TULP4: variants seen among roughly 807,000 people sequenced by gnomAD.
The protein encoded by TULP4 is TUB like protein 4, also known as tubby-related protein 4.
A neutral mutation model predicts 129.0 loss-of-function variants in TULP4; 16 were observed. The observed-to-expected ratio is 0.12, with a 90% CI of 0.08 to 0.19. TULP4 has a LOEUF of 0.19. Among genes scored for constraint, TULP4 ranks in the 10% least tolerant of loss-of-function variants. TULP4 has a pLI of 1.00. For synonymous variants in TULP4, 998 were observed against 854.0 expected (o/e 1.17, Z -2.94); for missense variants, 1,842 against 2,059.1 (o/e 0.89, Z 2.04).
At position 158,444,026 on chromosome 6, in the gene TULP4, T is replaced by G. The variant is rs980372225; in HGVS notation, c.544-4970T>G. ...CAAGGTCAGGAGATTGAGACCATCC[T>G]GGCTAACACGGTGAAACCCCGTCTC... is the stretch of plus-strand genomic sequence containing the variant. On this transcript the variant is annotated intron_variant, in intron 3 of 13. Coordinates refer to ENST00000367097, the MANE Select transcript of TULP4 (RefSeq NM_020245.5). 2.6e-5 allele frequency among the ~76,000 whole-genome samples: 4 copies of G among 151,836 alleles called. No homozygotes were observed. The East Asian group carries it at 5.8e-4, about 22-fold the overall frequency.
At chr6:158,272,131 A>G (rs1778563322) in intron 1 of TULP4, among the ~76,000 whole-genome samples, 1 of 152,186 alleles carries the variant, frequency 6.6e-6, no homozygotes. Flanking sequence ...GGGAGGTGAC[A>G]GGTAGAGGAG....
chr6:158,453,908 G>A (rs956981680), intron 5 of TULP4, among the ~76,000 whole-genome samples: 19 of 150,130 alleles, frequency 1.3e-4, no homozygotes, highest in African/African-American at 1.7e-4. Flanking sequence ...AGCCAAGACC[G>A]CACCACTGCA....
At position 158,482,732 on chromosome 6, in the gene TULP4, G is replaced by C. The variant is rs370204744; in HGVS notation, c.1486+1443G>C. On this transcript the variant is annotated intron_variant, in intron 8 of 13. Transcript: ENST00000367097. Reference sequence around the variant, plus strand: ...TCAGTACCTCTAAGGTTACTCCCCTGGGTACAATTTTATAAAATCTGTATT... The same window carrying C: ...TCAGTACCTCTAAGGTTACTCCCCTCGGTACAATTTTATAAAATCTGTATT... Among the ~76,000 whole-genome samples the C allele has an allele frequency of 3.3e-5, 5 of 152,334 alleles. No homozygotes were observed. In the East Asian group the frequency reaches 9.6e-4, roughly 29 times the overall value.
rs554240556 is a variant in TULP4 at position 158,485,027 on chromosome 6, G to A, written c.1486+3738G>A. Among the ~76,000 whole-genome samples, 20 of 152,302 alleles carry A rather than the reference G, an allele frequency of 1.3e-4. No homozygotes were observed. The South Asian group carries it at 3.7e-3, about 28-fold the overall frequency. On this transcript the variant is annotated intron_variant, in intron 8 of 13. Coordinates refer to ENST00000367097, the MANE Select transcript of TULP4 (RefSeq NM_020245.5). ...GTTTTGAGGTGGATGCTAGAAATAC[G>A]GATGTTAAGGGCAATTCTGGTGAGG...
chr6:158,277,559 G>C (rs530754997), upstream of TULP4, among the ~76,000 whole-genome samples: 1 of 152,190 alleles, frequency 6.6e-6, no homozygotes, highest in Non-Finnish European at 1.5e-5. Context: ...GCCACCAGGA[G>C]CAAGGATTAG....
At chr6:158,266,642 GAA>G in intron 1 of TULP4, among the ~76,000 whole-genome samples, 1 of 151,608 alleles carries the variant, frequency 6.6e-6, no homozygotes, top group Middle Eastern at 3.4e-3. Flanking sequence ...AACGTTCAAA[GAA>G]AAAAAATACA....
chr6:158,291,106 T>C (rs1778931175), intron 1 of TULP4, among the ~76,000 whole-genome samples: 1 of 152,260 alleles, frequency 6.6e-6, no homozygotes, highest in Non-Finnish European at 1.5e-5. Context: ...TGCTTTATTG[T>C]TCTGTTTTGA....
chr6:158,503,741 A>G lies in TULP4; in HGVS notation c.4078A>G (p.Lys1360Glu), dbSNP rs1780530249. Residue 1360 changes from lysine to glutamate, a missense_variant, in exon 13 of 14, where the codon AAG becomes GAG. By Grantham distance (56) the Lys-to-Glu change is moderately conservative (BLOSUM62 1). Coordinates refer to ENST00000367097, the MANE Select transcript of TULP4 (RefSeq NM_020245.5). This position sits in a 1 kb window ranked among gnomAD's most constrained non-coding sequence, Gnocchi z 4.3. The part of the protein sequence containing the change: ...VQAITEGKVK[K>E]EARTLSDFNS... ...GGCCATCACTGAGGGCAAAGTGAAG[A>G]AGGAGGCTAGGACTTTGAGTGACTT... 1.2e-6 allele frequency: 2 copies of G among 1,614,020 alleles called. No individual in the cohort carries two copies. Among genetic ancestry groups the G allele is most frequent in the African/African-American group, 1.3e-5 (1 of 74,934 alleles).
At chr6:158,361,775 GCTGT>G (rs1161439969) in intron 1 of TULP4, among the ~76,000 whole-genome samples, 1 of 152,140 alleles carries the variant, frequency 6.6e-6, no homozygotes, top group Non-Finnish European at 1.5e-5. Flanking sequence ...TGAGGAGCTG[GCTGT>G]CTATTTTTAC....
At chr6:158,412,340 G>A (rs770275424) in intron 1 of TULP4, among the ~76,000 whole-genome samples, 3 of 152,128 alleles carry the variant, frequency 2.0e-5, no homozygotes, top group African/African-American at 4.8e-5. Context: ...TCAGTCCCTC[G>A]CTACTTTTAC....
At chr6:158,422,101 A>G (rs1045008330) in intron 2 of TULP4, among the ~76,000 whole-genome samples, 13 of 152,212 alleles carry the variant, frequency 8.5e-5, no homozygotes, top group Admixed American at 2.0e-4. Context: ...AATCCAATGA[A>G]AGAAAAAGTA....
intron 1 of TULP4, among the ~76,000 whole-genome samples, chr6:158,355,954 ACCAGTGATTG>A (rs1780639270): frequency 6.6e-6 from 1 of 152,188 alleles, no homozygotes; most frequent in Non-Finnish European, 1.5e-5. Context: ...CAGAAGACTG[ACCAGTGATTG>A]CCTGGGGCCA....
intron 3 of TULP4, among the ~76,000 whole-genome samples, chr6:158,442,098 C>T (rs1466394178): frequency 1.3e-5 from 2 of 152,110 alleles, no homozygotes; most frequent in Non-Finnish European, 2.9e-5. Context: ...TAAATTTTGT[C>T]CTTCCTGTAT....
At chr6:158,341,589 C>G (rs1780182539) in intron 1 of TULP4, among the ~76,000 whole-genome samples, 2 of 152,058 alleles carry the variant, frequency 1.3e-5, no homozygotes, top group Non-Finnish European at 2.9e-5. Context: ...TGCCTTTCTT[C>G]TTGGAAAAAG....
intron 5 of TULP4, among the ~76,000 whole-genome samples, chr6:158,452,739 G>A (rs1279520171): frequency 2.0e-5 from 3 of 152,212 alleles, no homozygotes; most frequent in Non-Finnish European, 4.4e-5. Context: ...ACTTGTGGAG[G>A]TTCTGCAATT....
At chr6:158,295,968 C>A (rs1045921625) in intron 1 of TULP4, among the ~76,000 whole-genome samples, 4 of 152,200 alleles carry the variant, frequency 2.6e-5, no homozygotes, top group Non-Finnish European at 4.4e-5. Context: ...TAGCCACCCC[C>A]CAAATAAGCA....
intron 1 of TULP4, among the ~76,000 whole-genome samples, chr6:158,244,437 C>A (rs560371101): frequency 1.3e-5 from 2 of 152,248 alleles, no homozygotes; most frequent in East Asian, 1.9e-4. Flanking sequence ...TATGTTGAAG[C>A]CCTAAGTCCC....
At chr6:158,442,434 C>T (rs1482351946) in intron 3 of TULP4, among the ~76,000 whole-genome samples, 2 of 151,926 alleles carry the variant, frequency 1.3e-5, no homozygotes, top group African/African-American at 2.4e-5. Flanking sequence ...CCCCCAGGCC[C>T]GATTCTTTGC....
intron 3 of TULP4, among the ~76,000 whole-genome samples, chr6:158,448,416 AAATT>A (rs779996029): frequency 6.6e-6 from 1 of 150,544 alleles, no homozygotes; most frequent in African/African-American, 2.5e-5. Context: ...CTACATCCTT[AAATT>A]AATTATAAAT....
Sources: gnomAD v4.1 joint callset for allele counts (sites outside exome capture counted in the v4.1 genomes callset) on GRCh38, gnomAD v4.1.1 for gene constraint, Gnocchi (gnomAD v3.1) non-coding constraint, MANE v1.5 for transcripts, NCBI Gene and HGNC (gene_info 2026-07-23, HGNC 2026-07-21) for gene names.